Variants in SLC71A2 observed in about 807,000 individuals in gnomAD.
SLC71A2 encodes the protein solute carrier family 71 member 2, also known as hippocampus abundant transcript-like 1.
chr9:94,442,086 T>C, the SLC71A2 span, among the ~76,000 whole-genome samples: 1 of 152,194 alleles, frequency 6.6e-6, no homozygotes. Flanking sequence ...TTTGAAAATA[T>C]TCAGAATAAG....
the SLC71A2 span, among the ~76,000 whole-genome samples, chr9:94,384,861 G>C: frequency 1.3e-5 from 2 of 152,126 alleles, no homozygotes; most frequent in Non-Finnish European, 1.5e-5. Context: ...TGATTAGGCT[G>C]TGAGGGCCCT....
the SLC71A2 span, among the ~76,000 whole-genome samples, chr9:94,440,506 T>C: frequency 6.6e-6 from 1 of 151,938 alleles, no homozygotes; most frequent in East Asian, 1.9e-4. Flanking sequence ...TTCTATAAGG[T>C]TTTTCTTTGT....
At chr9:94,440,974 T>C in the SLC71A2 span, 7 of 1,562,562 alleles carry the variant, frequency 4.5e-6, no homozygotes, top group Admixed American at 1.2e-4. Context: ...ATTAAAATAA[T>C]CTTTTTATAG....
chr9:94,449,368 TA>T, the SLC71A2 span, among the ~76,000 whole-genome samples: 2 of 152,206 alleles, frequency 1.3e-5, no homozygotes, highest in Non-Finnish European at 2.9e-5. Context: ...GTAGAACTCT[TA>T]TAATAAAAGA....
the SLC71A2 span, among the ~76,000 whole-genome samples, chr9:94,417,456 A>C: frequency 0.52 from 78,326 of 151,612 alleles, 20,511 homozygotes; most frequent in Admixed American, 0.61. Flanking sequence ...GGTGAAACCC[A>C]GTCTGTACTA....
chr9:94,450,507 T>TTTTTTTTTTTTTTTTTTTTTTTTTTC, the SLC71A2 span, among the ~76,000 whole-genome samples: 66 of 137,298 alleles, frequency 4.8e-4, 6 homozygotes, highest in Non-Finnish European at 7.6e-4. Context: ...TTTTTTTTTT[T>TTTTTTTTTTTTTTTTTTTTTTTTTTC]GAGATGGAGT....
the SLC71A2 span, chr9:94,446,936 G>T: frequency 6.8e-7 from 1 of 1,465,600 alleles, no homozygotes; most frequent in Non-Finnish European, 9.6e-7. Flanking sequence ...ATCTCAGGCA[G>T]GTGAGTAGTG....
At chr9:94,385,046 C>T in the SLC71A2 span, among the ~76,000 whole-genome samples, 48 of 151,958 alleles carry the variant, frequency 3.2e-4, 1 homozygote, top group Middle Eastern at 0.014. Context: ...AACTTCTCCT[C>T]CTCCAGAACT....
At chr9:94,429,316 T>C in the SLC71A2 span, 1 of 1,514,414 alleles carries the variant, frequency 6.6e-7, no homozygotes, top group Non-Finnish European at 8.9e-7. Flanking sequence ...AGTTTAACTC[T>C]GGAAGTTTTA....
At chr9:94,446,721 T>C in the SLC71A2 span, 5 of 545,224 alleles carry the variant, frequency 9.2e-6, no homozygotes, top group Non-Finnish European at 1.6e-5. Context: ...TGACTTTTGT[T>C]ATTCATCTTA....
the SLC71A2 span, among the ~76,000 whole-genome samples, chr9:94,387,002 C>T: frequency 1.3e-5 from 2 of 152,074 alleles, no homozygotes; most frequent in Middle Eastern, 3.4e-3. Flanking sequence ...AAGTTTCCTC[C>T]TCTTACAAAA....
the SLC71A2 span, among the ~76,000 whole-genome samples, chr9:94,413,764 T>C: frequency 1.3e-5 from 2 of 151,856 alleles, no homozygotes; most frequent in African/African-American, 4.8e-5. Context: ...TGAGTGGAAC[T>C]CAGCGAGAGT....
the SLC71A2 span, among the ~76,000 whole-genome samples, chr9:94,401,089 T>C: frequency 7.2e-6 from 1 of 138,768 alleles, no homozygotes; most frequent in African/African-American, 2.9e-5. Context: ...TTTCTTTTCC[T>C]TTTTTTTTTT....
the SLC71A2 span, among the ~76,000 whole-genome samples, chr9:94,389,302 G>T: frequency 6.6e-6 from 1 of 150,516 alleles, no homozygotes; most frequent in African/African-American, 2.5e-5. Context: ...GTCTCACTCT[G>T]TTGCCCAGGC....
At chr9:94,405,291 C>T in the SLC71A2 span, among the ~76,000 whole-genome samples, 15,832 of 151,818 alleles carry the variant, frequency 0.1, 1,474 homozygotes, top group East Asian at 0.35. Context: ...GTCAGGAGAT[C>T]GAGACTACCC....
chr9:94,380,499 AC>A, the SLC71A2 span, among the ~76,000 whole-genome samples: 13 of 79,022 alleles, frequency 1.6e-4, no homozygotes. Flanking sequence ...CAAGAGTCTT[AC>A]TGTTTCATCC....
chr9:94,437,646 C>T, the SLC71A2 span, among the ~76,000 whole-genome samples: 1 of 149,724 alleles, frequency 6.7e-6, no homozygotes, highest in Non-Finnish European at 1.5e-5. Context: ...CTTCTTTATC[C>T]CTGTGAGGCC....
chr9:94,436,097 A>C, the SLC71A2 span, among the ~76,000 whole-genome samples: 1 of 152,164 alleles, frequency 6.6e-6, no homozygotes, highest in Non-Finnish European at 1.5e-5. Flanking sequence ...TACTGTGTAA[A>C]TAGTTGTTAC....
the SLC71A2 span, among the ~76,000 whole-genome samples, chr9:94,413,329 A>T: frequency 1.3e-5 from 2 of 152,202 alleles, no homozygotes; most frequent in African/African-American, 4.8e-5. Context: ...TAATTATACC[A>T]TGGTTATAGA....
Sources: allele counts gnomAD v4.1 joint callset (sites outside exome capture counted in the v4.1 genomes callset), GRCh38; gene constraint gnomAD v4.1.1; transcripts MANE v1.5; gene names NCBI Gene and HGNC (gene_info 2026-07-23, HGNC 2026-07-21).